Variants in CEP128 observed in about 807,000 individuals in gnomAD.
CEP128 encodes centrosomal protein 128, also known as centrosomal protein 128kDa.
Under a neutral mutation model 156.7 loss-of-function variants are expected in CEP128, and 132 were observed. That is an observed-to-expected ratio of 0.84 (90% CI 0.73 to 0.97). The LOEUF (loss-of-function observed/expected upper bound fraction) is 0.97, where lower values mean the gene tolerates loss of function less well. CEP128 is among the 50% of genes least tolerant of loss of function. The pLI is 0.00. For synonymous variants in CEP128, 469 were observed against 448.9 expected (o/e 1.04, Z -0.57); for missense variants, 1,252 against 1,281.9 (o/e 0.98, Z 0.36).
intron 9 of CEP128, among the ~76,000 whole-genome samples, chr14:80,856,731 T>C (rs1432179656): frequency 7.8e-6 from 1 of 128,940 alleles, no homozygotes; most frequent in Middle Eastern, 3.6e-3. Context: ...TTTTTTTTTT[T>C]TTTTTTTTTT....
chr14:80,657,655 AC>A (rs1895232986), intron 19 of CEP128, among the ~76,000 whole-genome samples: 1 of 152,092 alleles, frequency 6.6e-6, no homozygotes, highest in South Asian at 2.1e-4. Context: ...TGTCTCAAAA[AC>A]AAAAACAGAA....
intron 23 of CEP128, among the ~76,000 whole-genome samples, chr14:80,518,291 T>C (rs1888586102): frequency 6.6e-6 from 1 of 151,738 alleles, no homozygotes; most frequent in Non-Finnish European, 1.5e-5. Flanking sequence ...GCAAGCCCCG[T>C]ATTTAAAGGT....
At chr14:80,755,913 A>G (rs1899635676) in intron 18 of CEP128, among the ~76,000 whole-genome samples, 1 of 152,228 alleles carries the variant, frequency 6.6e-6, no homozygotes. Flanking sequence ...GTTCAATCCC[A>G]TTAAATGATA....
At chr14:80,734,903 A>G (rs1008878764) in intron 19 of CEP128, among the ~76,000 whole-genome samples, 28 of 151,388 alleles carry the variant, frequency 1.8e-4, no homozygotes, top group African/African-American at 6.8e-4. Context: ...TATTCATTAC[A>G]TTACATTCAA....
Position 80,836,199 on chromosome 14 carries a change from T to A in CEP128, c.1057+6A>T. Reference sequence around the variant, plus strand: ...ATCACATTATTAGGTACAAATCTACTTTTACCTCTCCTAAATCTCCAGTCC... The same window carrying A: ...ATCACATTATTAGGTACAAATCTACATTTACCTCTCCTAAATCTCCAGTCC... On this transcript the variant is annotated splice_donor_region_variant and intron_variant, in intron 12 of 24. Coordinates refer to ENST00000555265, the MANE Select transcript of CEP128 (RefSeq NM_152446.5). 1 of 1,613,810 alleles carries A rather than the reference T, an allele frequency of 6.2e-7. No homozygotes were observed. Among genetic ancestry groups the A allele is most frequent in the Non-Finnish European group, 8.5e-7 (1 of 1,179,820 alleles).
At chr14:80,549,100 G>T (rs1456778322) in intron 21 of CEP128, among the ~76,000 whole-genome samples, 5 of 152,230 alleles carry the variant, frequency 3.3e-5, no homozygotes, top group East Asian at 3.9e-4. Context: ...TACTAACATA[G>T]AATACAGGCT....
intron 9 of CEP128, among the ~76,000 whole-genome samples, chr14:80,853,784 G>C (rs1053201556): frequency 6.6e-6 from 1 of 151,882 alleles, no homozygotes; most frequent in Non-Finnish European, 1.5e-5. Flanking sequence ...AATTATATTA[G>C]TATAGGGCTA....
intron 13 of CEP128, among the ~76,000 whole-genome samples, chr14:80,816,013 A>G (rs929348858): frequency 6.6e-6 from 1 of 152,144 alleles, no homozygotes; most frequent in South Asian, 2.1e-4. Context: ...TATTATTCCC[A>G]TGATGGCAAC....
intron 19 of CEP128, among the ~76,000 whole-genome samples, chr14:80,691,398 C>T (rs1158102127): frequency 6.6e-6 from 1 of 151,988 alleles, no homozygotes; most frequent in African/African-American, 2.4e-5. Flanking sequence ...CAATCTTCTC[C>T]CCACTATTGG....
chr14:80,865,888 A>G (rs906784339), intron 8 of CEP128, among the ~76,000 whole-genome samples: 2 of 152,152 alleles, frequency 1.3e-5, no homozygotes, highest in African/African-American at 2.4e-5. Flanking sequence ...CATTCCAGTC[A>G]AGCCTTGAGA....
chr14:80,493,271 G>C (rs1008587026), downstream of CEP128, among the ~76,000 whole-genome samples: 2 of 152,150 alleles, frequency 1.3e-5, no homozygotes, highest in African/African-American at 4.8e-5. Context: ...CTGAAACATT[G>C]CAAGTTATCC....
At chr14:80,608,208 A>T (rs936841779) in intron 19 of CEP128, among the ~76,000 whole-genome samples, 7 of 152,186 alleles carry the variant, frequency 4.6e-5, no homozygotes. Flanking sequence ...ACTTTTTGAC[A>T]TGAAGAACAT....
intron 2 of CEP128, among the ~76,000 whole-genome samples, chr14:80,920,614 A>G (rs1884805828): frequency 6.6e-6 from 1 of 152,222 alleles, no homozygotes; most frequent in Non-Finnish European, 1.5e-5. Context: ...AGGTTTACCT[A>G]TTATTTCATT....
At chr14:80,729,054 TGG>T (rs543120613) in intron 19 of CEP128, among the ~76,000 whole-genome samples, 2,091 of 92,520 alleles carry the variant, frequency 0.023, 239 homozygotes, top group African/African-American at 0.086. Flanking sequence ...GCTGGGCTGG[TGG>T]GGGTGTGTGT....
At chr14:80,798,122 C>T (rs940360906) in intron 13 of CEP128, among the ~76,000 whole-genome samples, 2 of 152,094 alleles carry the variant, frequency 1.3e-5, no homozygotes, top group African/African-American at 4.8e-5. Flanking sequence ...TAAATTCTTG[C>T]CCATACATTG....
chr14:80,862,926 G>T, intron 8 of CEP128, 53 bp from the exon 9 acceptor site: 1 of 1,263,740 alleles, frequency 7.9e-7, no homozygotes, highest in Non-Finnish European at 1.2e-6. Context: ...AAGCAAAACA[G>T]ACTAAATTGA....
At chr14:80,801,937 A>AAAG (rs1883893997) in intron 13 of CEP128, among the ~76,000 whole-genome samples, 1 of 147,188 alleles carries the variant, frequency 6.8e-6, no homozygotes, top group African/African-American at 2.5e-5. Flanking sequence ...AAAAAAAAAA[A>AAAG]GCTCAACATC....
At chr14:80,546,068 G>A (rs1303460497) in intron 21 of CEP128, among the ~76,000 whole-genome samples, 6 of 152,142 alleles carry the variant, frequency 3.9e-5, no homozygotes, top group Non-Finnish European at 7.3e-5. Context: ...GAGTGCTAAG[G>A]CACATAACCA....
At chr14:80,807,745 A>G (rs73344656) in intron 13 of CEP128, among the ~76,000 whole-genome samples, 3,169 of 152,160 alleles carry the variant, frequency 0.021, 41 homozygotes, top group Middle Eastern at 0.068. Context: ...TAGGTTACTC[A>G]CCCCAACACA....
Sources: allele counts gnomAD v4.1 joint callset (sites outside exome capture counted in the v4.1 genomes callset), GRCh38; gene constraint gnomAD v4.1.1; transcripts MANE v1.5; gene names NCBI Gene and HGNC (gene_info 2026-07-23, HGNC 2026-07-21).